NLRC3: variants seen among roughly 807,000 people sequenced by gnomAD.
The protein encoded by NLRC3 is NLR family CARD domain-containing protein 3.
In NLRC3, 87 loss-of-function variants were observed where a neutral mutation model predicts 91.6. The observed-to-expected ratio is 0.95, with a 90% CI of 0.80 to 1.14. NLRC3 has a LOEUF of 1.14. NLRC3 is among the 50% of genes most tolerant of loss of function. The pLI is 0.00. For synonymous variants in NLRC3, 694 were observed against 625.3 expected, an observed-to-expected ratio of 1.11 and a Z score of -1.64; for missense variants, 1,577 against 1,418.6, an observed-to-expected ratio of 1.11 and a Z score of -1.79.
rs116349864 is a variant in NLRC3 at position 3,556,946 on chromosome 16, G to A, written c.2148C>T (p.Asp716=). The change falls in exon 8 of 20, where the codon GAC becomes GAT. Residue 716 remains aspartate (D), a synonymous_variant. Transcript: ENST00000359128. ...IGPQGAKALA[D]ALKINRTLTS... ...TCAGGGTGCGGTTGATCTTCAAAGC[G>A]TCTGCCAGCGCCTTGGCCCCTTGTG... The A allele has an allele frequency of 3.7e-5, 59 of 1,613,746 alleles. No individual in the cohort carries two copies. The highest frequency in any genetic ancestry group is 1.7e-4 in the Middle Eastern group (1 of 6,010).
Position 3,563,926 on chromosome 16 carries a change from C to T in NLRC3, c.1011G>A (p.Met337Ile), listed in dbSNP as rs1363626447. The T allele has an allele frequency of 1.3e-6, 2 of 1,593,334 alleles. No individual in the cohort carries two copies. The highest frequency in any genetic ancestry group is 1.7e-6 in the Non-Finnish European group (2 of 1,171,530). Residue 337 changes from methionine to isoleucine, a missense_variant, in exon 5 of 20, where the codon ATG becomes ATA. Coordinates refer to ENST00000359128, the MANE Select transcript of NLRC3 (RefSeq NM_178844.4). ...TGCTGCGCCACAGGTGGCCTAGCGCCATCCCCGTGAGCCTGCAGAAGGCTG... is the reference window on the plus strand; with the variant it reads ...TGCTGCGCCACAGGTGGCCTAGCGCTATCCCCGTGAGCCTGCAGAAGGCTG... ...TVPAFCRLTG[M>I]ALGHLWRSRT...
rs997897915 is a variant in NLRC3, at chr16:3,539,886, G to A, written c.*1939C>T. The A allele has an allele frequency of 6.6e-5, 10 of 152,196 alleles. No homozygotes were observed. Among genetic ancestry groups the A allele is most frequent in the Non-Finnish European group, 1.0e-4 (7 of 68,038 alleles). The allele number at this position is 152,196 out of a possible 1,614,324, so 9.4% of individuals were successfully genotyped here. A position where few individuals can be genotyped will look rare whatever the true frequency, so the allele number is the denominator to read the frequency against. ...TCTTTAATTTCACGCTATCTGCAAT[G>A]TTTTGTGTTTTTCATGACATTGATG... On this transcript the variant is annotated 3_prime_UTR_variant, in exon 20 of 20. Coordinates refer to ENST00000359128, the MANE Select transcript of NLRC3 (RefSeq NM_178844.4).
rs760474309 is a variant in NLRC3 at position 3,564,751 on chromosome 16, C to T, written c.186G>A (p.Arg62=). ...APLGPCSNDS[R]IQRHRKALLS... ...GCAGGGCCTTGCGGTGCCTCTGTAT[C>T]CTTGAGTCTGCGGGACAGAGGCCAG... Residue 62 remains arginine, a synonymous_variant, in exon 5 of 20, where the codon AGG becomes AGA. Transcript: ENST00000359128. The surrounding 1 kb of genome is among the most constrained non-coding windows in gnomAD (Gnocchi z 5.9). 2.5e-6 allele frequency: 4 copies of T among 1,579,544 alleles called. No individual in the cohort carries two copies. In the Admixed American group the frequency reaches 5.2e-5, roughly 20 times the overall value.
At chr16:3,543,260 A>G in intron 17 of NLRC3, 165 bp downstream of exon 17, 1 of 622,292 alleles carries the variant, frequency 1.6e-6, no homozygotes, top group Non-Finnish European at 2.9e-6. Flanking sequence ...AGCGACTCCC[A>G]GGGAAAGGCA....
chr16:3,549,470 G>T (rs150199368), intron 12 of NLRC3, among the ~76,000 whole-genome samples: 1 of 152,272 alleles, frequency 6.6e-6, no homozygotes, highest in East Asian at 1.9e-4. Context: ...CCCCAGAGGT[G>T]CGAGGGGACA....
In NLRC3 at chr16:3,576,247, C is replaced by T. The variant is rs1446019887; in HGVS notation, c.-169+902G>A. Among the ~76,000 whole-genome samples the T allele has an allele frequency of 2.0e-5, 3 of 152,198 alleles. No homozygotes were observed. In the South Asian group the frequency reaches 6.2e-4, roughly 31 times the overall value. On this transcript the variant is annotated intron_variant, in intron 1 of 19. Transcript: ENST00000359128. ...CCCTGCAGCCAACACCCAGGCTGGC[C>T]CAGGGCAGTGGCACTTCTTCCGAGA...
rs757640000 is a variant in NLRC3, at chr16:3,563,542, C to T, written c.1395G>A (p.Ala465=). Residue 465 remains alanine (A), a synonymous_variant, in exon 5 of 20, where the codon GCG becomes GCA. Coordinates refer to ENST00000359128, the MANE Select transcript of NLRC3 (RefSeq NM_178844.4). The part of the protein sequence containing the change: ...HLSLQEFVAA[A]YYYGASRRAI... The stretch of plus-strand genomic sequence containing the variant: ...CCCTCCTGGATGCGCCATAGTAATA[C>T]GCGGCTGCCACAAACTCCTGCAGGG... The T allele has an allele frequency of 2.5e-5, 40 of 1,609,504 alleles. No individual in the cohort carries two copies. Among genetic ancestry groups the T allele is most frequent in the Non-Finnish European group, 3.0e-5 (35 of 1,178,312 alleles).
intron 13 of NLRC3, 106 bp downstream of exon 13, chr16:3,549,036 C>A (rs2038853143): frequency 1.1e-6 from 1 of 893,024 alleles, no homozygotes. Flanking sequence ...CCAGCCAGCT[C>A]CTTCTCCAAC....
At position 3,542,585 on chromosome 16, in the gene NLRC3, G is replaced by A. The variant is rs140282965; in HGVS notation, c.3023+107C>T. 1,087 of 699,992 alleles carry A rather than the reference G, an allele frequency of 1.6e-3. 11 individuals carry two copies. The Admixed American group carries it at 0.017, about 11-fold the overall frequency. The allele number at this position is 699,992 out of a possible 1,614,324, so 43.4% of individuals were successfully genotyped here. On this transcript the variant is annotated intron_variant, in intron 18 of 19. Transcript: ENST00000359128. ...TAATAAGTCTGATTGTTTATATTCA[G>A]AAGGAAATAGCTACAGAAGAAATCA...
intron 15 of NLRC3, among the ~76,000 whole-genome samples, chr16:3,547,665 T>C (rs1189584042): frequency 1.3e-5 from 2 of 151,938 alleles, no homozygotes. Context: ...TGTATATATA[T>C]GTGTGTATAT....
intron 6 of NLRC3, among the ~76,000 whole-genome samples, chr16:3,561,021 T>G (rs1036953122): frequency 1.3e-5 from 2 of 152,146 alleles, no homozygotes; most frequent in African/African-American, 4.8e-5. Flanking sequence ...GAAATTAAAT[T>G]TTAATTAAAT....
chr16:3,554,484 C>G (rs1206502955), intron 8 of NLRC3, among the ~76,000 whole-genome samples, 159 bp from the exon 9 acceptor site: 1 of 152,232 alleles, frequency 6.6e-6, no homozygotes, highest in African/African-American at 2.4e-5. Flanking sequence ...ACCCTTTGCA[C>G]CACTGCCTGG....
intron 7 of NLRC3, 59 bp downstream of exon 7, chr16:3,557,534 T>C: frequency 9.6e-7 from 1 of 1,037,810 alleles, no homozygotes; most frequent in South Asian, 1.3e-5. Flanking sequence ...CTTCACAAGA[T>C]GCCTCACAAC....
chr16:3,565,954 C>T (rs1433810432), intron 2 of NLRC3, among the ~76,000 whole-genome samples: 5 of 151,738 alleles, frequency 3.3e-5, no homozygotes, highest in Admixed American at 3.3e-4. Flanking sequence ...GCAGCAGGAT[C>T]GCTTGAGCCC....
chr16:3,557,517 G>T, intron 7 of NLRC3, 76 bp downstream of exon 7: 1 of 832,216 alleles, frequency 1.2e-6, no homozygotes. Flanking sequence ...TCCTAGGAGG[G>T]AGGGGACTTC....
intron 7 of NLRC3, 81 bp downstream of exon 7, chr16:3,557,512 G>A (rs1327777838): frequency 2.5e-6 from 2 of 800,416 alleles, no homozygotes; most frequent in African/African-American, 1.7e-5. Context: ...TCATTTCCTA[G>A]GAGGGAGGGG....
intron 2 of NLRC3, among the ~76,000 whole-genome samples, chr16:3,566,002 G>A (rs891190868): frequency 4.0e-5 from 6 of 150,538 alleles, no homozygotes; most frequent in African/African-American, 1.5e-4. Context: ...ATCACACCAC[G>A]GCACTCCAGC....
chr16:3,557,827 T>C (rs1222879048), intron 6 of NLRC3, among the ~76,000 whole-genome samples, 151 bp from the exon 7 acceptor site: 1 of 152,186 alleles, frequency 6.6e-6, no homozygotes, highest in Non-Finnish European at 1.5e-5. Context: ...TGGAGCAGAA[T>C]GCCAGGCACA....
In NLRC3 at chr16:3,541,703, C is replaced by T; in HGVS notation, c.*122G>A. On this transcript the variant is annotated 3_prime_UTR_variant, in exon 20 of 20. Coordinates refer to ENST00000359128, the MANE Select transcript of NLRC3 (RefSeq NM_178844.4). ...GCACCTCTCCTTCCTCCCTGCAGAG[C>T]CCGGCTCTCGTGCTGAGCAAGCAGC... is the stretch of plus-strand genomic sequence containing the variant. 5.9e-6 allele frequency: 4 copies of T among 682,650 alleles called. No individual in the cohort carries two copies. The highest frequency in any genetic ancestry group is 5.2e-5 in the South Asian group (3 of 57,408). The allele number at this position is 682,650 out of a possible 1,614,324, so 42.3% of individuals were successfully genotyped here. A position where few individuals can be genotyped will look rare whatever the true frequency, so the allele number is the denominator to read the frequency against.
Sources: allele counts gnomAD v4.1 joint callset (sites outside exome capture counted in the v4.1 genomes callset), GRCh38; gene constraint gnomAD v4.1.1; non-coding constraint Gnocchi (gnomAD v3.1); transcripts MANE v1.5; gene names NCBI Gene and HGNC (gene_info 2026-07-23, HGNC 2026-07-21).